Variants in ESRRG observed in about 807,000 individuals in gnomAD.
The protein encoded by ESRRG is estrogen-related receptor gamma.
In ESRRG, 13 loss-of-function variants were observed where a neutral mutation model predicts 44.0. The observed-to-expected ratio is 0.30, with a 90% confidence interval of 0.19 to 0.47. The LOEUF is 0.47. Ranked by LOEUF, ESRRG falls within the 20% of genes least tolerant of loss-of-function variation. ESRRG has a pLI of 1.00. For synonymous variants in ESRRG, 215 were observed against 214.6 expected (o/e 1.00, Z -0.02); for missense variants, 395 against 580.6 (o/e 0.68, Z 3.29).
intron 1 of ESRRG, among the ~76,000 whole-genome samples, chr1:216,948,307 A>T (rs1489052040): frequency 6.6e-6 from 1 of 151,718 alleles, no homozygotes; most frequent in Non-Finnish European, 1.5e-5. Flanking sequence ...CTGGAATCTC[A>T]GCACTTTGCG....
chr1:216,658,283 G>A (rs1282888718), intron 2 of ESRRG, among the ~76,000 whole-genome samples: 1 of 152,058 alleles, frequency 6.6e-6, no homozygotes, highest in Non-Finnish European at 1.5e-5. Context: ...ACTTAGCCTT[G>A]ATTTTTTTCC....
At chr1:216,731,686 CAA>C (rs2088808646) in intron 2 of ESRRG, among the ~76,000 whole-genome samples, 1 of 152,166 alleles carries the variant, frequency 6.6e-6, no homozygotes, top group Admixed American at 6.5e-5. Flanking sequence ...AAGAGTGAGA[CAA>C]AGAATTCCTT....
At chr1:216,935,646 T>C (rs1456594178) in intron 2 of ESRRG, among the ~76,000 whole-genome samples, 1 of 151,808 alleles carries the variant, frequency 6.6e-6, no homozygotes, top group Non-Finnish European at 1.5e-5. Flanking sequence ...AGATGGAGTC[T>C]TATTCTGTCA....
intron 1 of ESRRG, among the ~76,000 whole-genome samples, chr1:217,133,631 T>TTCTTTCTTTCTTTCTTTCTTTCTCTC (rs1491192210): frequency 1.7e-5 from 1 of 58,450 alleles, no homozygotes; most frequent in Non-Finnish European, 4.4e-5. Context: ...CTTTCTTTCT[T>TTCTTTCTTTCTTTCTTTCTTTCTCTC]TCTCTCTCTC....
chr1:217,129,912 A>T (rs1012164138), intron 1 of ESRRG, among the ~76,000 whole-genome samples: 2 of 148,110 alleles, frequency 1.4e-5, no homozygotes, highest in Non-Finnish European at 3.0e-5. Context: ...GGTGAATGTT[A>T]AAAAAAAAAG....
chr1:216,872,612 T>C (rs2096273971), intron 2 of ESRRG, among the ~76,000 whole-genome samples: 1 of 152,184 alleles, frequency 6.6e-6, no homozygotes, highest in South Asian at 2.1e-4. Flanking sequence ...AGATTTTTAT[T>C]GTGGGTTATT....
At chr1:216,794,663 T>C (rs1192681394) in intron 2 of ESRRG, among the ~76,000 whole-genome samples, 2 of 152,200 alleles carry the variant, frequency 1.3e-5, no homozygotes, top group African/African-American at 4.8e-5. Context: ...TGATCTCCTC[T>C]GGGAGAGAGT....
intron 1 of ESRRG, among the ~76,000 whole-genome samples, chr1:217,126,877 ATAC>A (rs1397857795): frequency 6.6e-6 from 1 of 152,224 alleles, no homozygotes; most frequent in African/African-American, 2.4e-5. Flanking sequence ...CATTGCATGA[ATAC>A]TTTGAAAGCA....
At chr1:216,544,967 T>C (rs1438857304) in intron 5 of ESRRG, among the ~76,000 whole-genome samples, 3 of 152,042 alleles carry the variant, frequency 2.0e-5, no homozygotes, top group African/African-American at 4.8e-5. Flanking sequence ...AATTGAATTA[T>C]GTATCCTCAT....
intron 1 of ESRRG, among the ~76,000 whole-genome samples, chr1:217,010,063 C>A (rs1163936568): frequency 6.6e-6 from 1 of 152,076 alleles, no homozygotes; most frequent in Non-Finnish European, 1.5e-5. Flanking sequence ...AAACATTAGA[C>A]TAGCCATGGG....
chr1:216,957,866 T>A (rs11117741), intron 1 of ESRRG, among the ~76,000 whole-genome samples: 102,771 of 152,110 alleles, frequency 0.68, 37,136 homozygotes, highest in Middle Eastern at 0.85. Flanking sequence ...GTTTTGACTA[T>A]TGTAAAACCA....
chr1:216,645,168 T>C (rs1049654349), intron 3 of ESRRG, among the ~76,000 whole-genome samples: 1 of 152,170 alleles, frequency 6.6e-6, no homozygotes, highest in African/African-American at 2.4e-5. Flanking sequence ...CCTTCAACTC[T>C]CACGTCTGTT....
At chr1:216,948,441 C>T (rs1013008770) in intron 1 of ESRRG, among the ~76,000 whole-genome samples, 4 of 136,866 alleles carry the variant, frequency 2.9e-5, no homozygotes, top group African/African-American at 1.1e-4. Context: ...GGCACTACTG[C>T]ACTCCAGCCT....
chr1:216,601,270 C>CCTCCCAGGGGCTCCCTCCGCAGA (rs2059206992), intron 3 of ESRRG, among the ~76,000 whole-genome samples: 2 of 152,038 alleles, frequency 1.3e-5, no homozygotes, highest in Admixed American at 6.5e-5. Flanking sequence ...CACCCCTGGG[C>CCTCCCAGGGGCTCCCTCCGCAGA]CTCCCAGGGG....
At chr1:217,095,720 G>C (rs998164014) in intron 1 of ESRRG, among the ~76,000 whole-genome samples, 1 of 152,222 alleles carries the variant, frequency 6.6e-6, no homozygotes, top group African/African-American at 2.4e-5. Flanking sequence ...AGATTCCACA[G>C]GTCTTGGGAA....
upstream of ESRRG, among the ~76,000 whole-genome samples, chr1:217,092,693 A>T (rs372812243): frequency 2.6e-5 from 4 of 152,126 alleles, no homozygotes; most frequent in African/African-American, 9.7e-5. Flanking sequence ...TTCACTTCCC[A>T]ATTCCTTTCT....
intron 2 of ESRRG, among the ~76,000 whole-genome samples, chr1:216,902,849 G>A (rs2059244335): frequency 6.6e-6 from 1 of 152,176 alleles, no homozygotes; most frequent in Non-Finnish European, 1.5e-5. Flanking sequence ...AGCCTTTTTA[G>A]TGGCAGTTCT....
rs566329677 is a variant in ESRRG at position 216,595,178 on chromosome 1, C to T, written c.590-27080G>A. Among the ~76,000 whole-genome samples, 5 of 152,290 alleles carry T rather than the reference C, an allele frequency of 3.3e-5. No homozygotes were observed. In the East Asian group the frequency reaches 7.7e-4, roughly 24 times the overall value. On this transcript the variant is annotated intron_variant, in intron 3 of 6. Transcript: ENST00000408911. ...GATTAAAACTAAACATTACATAGCA[C>T]ATTTTTAAAATGTTTAATGATAGAA... is the stretch of plus-strand genomic sequence containing the variant.
chr1:217,004,008 T>C (rs546158769), intron 1 of ESRRG, among the ~76,000 whole-genome samples: 2 of 152,286 alleles, frequency 1.3e-5, no homozygotes, highest in African/African-American at 4.8e-5. Flanking sequence ...ATCTCATAAA[T>C]AAATAACATA....
Sources: gnomAD v4.1 joint callset for allele counts (sites outside exome capture counted in the v4.1 genomes callset) on GRCh38, gnomAD v4.1.1 for gene constraint, MANE v1.5 for transcripts, NCBI Gene and HGNC (gene_info 2026-07-23, HGNC 2026-07-21) for gene names.